FBXO34: variants seen among roughly 807,000 people sequenced by gnomAD.
FBXO34 encodes the protein F-box only protein 34.
FBXO34 carries 12 observed loss-of-function variants against 24.5 expected under a neutral mutation model. That is an observed-to-expected ratio of 0.49 (90% CI 0.31 to 0.79). The LOEUF is 0.79. Among genes scored for constraint, FBXO34 ranks in the 30% least tolerant of loss-of-function variants. The pLI is 0.04. For synonymous variants in FBXO34, 320 were observed against 311.9 expected (o/e 1.03, Z -0.27); for missense variants, 823 against 857.7 (o/e 0.96, Z 0.51).
At chr14:55,336,310 A>G (rs1883773269) in intron 1 of FBXO34, among the ~76,000 whole-genome samples, 1 of 152,150 alleles carries the variant, frequency 6.6e-6, no homozygotes, top group Non-Finnish European at 1.5e-5. Context: ...AGAATAGGGC[A>G]AGAACTTATG....
intron 1 of FBXO34, among the ~76,000 whole-genome samples, chr14:55,312,178 A>G (rs1247604168): frequency 1.3e-5 from 2 of 151,942 alleles, no homozygotes; most frequent in African/African-American, 4.8e-5. Flanking sequence ...CCAGCCTGGG[A>G]GACACAGTGT....
At position 55,351,578 on chromosome 14, in the gene FBXO34, C is replaced by T. The variant is rs762597729; in HGVS notation, c.1188C>T (p.Ala396=). 4.0e-5 allele frequency: 65 copies of T among 1,613,992 alleles called. No homozygotes were observed. In the South Asian group the frequency reaches 4.9e-4, roughly 12 times the overall value. ...SAELEPGSQT[A]VKNSNRYDVE... ...AGTTAGAGCCGGGTTCGCAAACTGC[C>T]GTGAAAAACAGCAACAGATATGATG... Residue 396 remains alanine, a synonymous_variant, in exon 2 of 2, where the codon GCC becomes GCT. Transcript: ENST00000313833.
intron 3 of FBXO34, among the ~76,000 whole-genome samples, chr14:55,359,829 C>A (rs1455967579): frequency 6.6e-6 from 1 of 151,140 alleles, no homozygotes; most frequent in Non-Finnish European, 1.5e-5. Flanking sequence ...CCAGTAATCT[C>A]AGCACTTTGG....
downstream of FBXO34, chr14:55,355,208 T>A (rs1282617896): frequency 6.6e-6 from 1 of 152,350 alleles, no homozygotes; most frequent in Admixed American, 6.5e-5. Flanking sequence ...AATTGAAAGC[T>A]AAGGAGGGGC....
intron 1 of FBXO34, among the ~76,000 whole-genome samples, chr14:55,276,073 G>T (rs1881332900): frequency 6.6e-6 from 1 of 152,144 alleles, no homozygotes; most frequent in Non-Finnish European, 1.5e-5. Context: ...AGTCTATCTA[G>T]GCAATCTAAA....
chr14:55,284,706 C>G (rs374891382), intron 1 of FBXO34, among the ~76,000 whole-genome samples: 1 of 148,448 alleles, frequency 6.7e-6, no homozygotes, highest in Admixed American at 6.8e-5. Context: ...ACCTCAACCA[C>G]CCAGGCTCAA....
At chr14:55,311,532 A>T (rs1043443817) in intron 1 of FBXO34, among the ~76,000 whole-genome samples, 6 of 152,174 alleles carry the variant, frequency 3.9e-5, no homozygotes, top group African/African-American at 1.4e-4. Context: ...GTCATGTGAG[A>T]TGAGGCAAGT....
At chr14:55,382,253 A>G in the FBXO34 span, 1 of 1,465,374 alleles carries the variant, frequency 6.8e-7, no homozygotes, top group Non-Finnish European at 9.5e-7. Flanking sequence ...CATGCAATAT[A>G]ACTGCAAGAC....
At chr14:55,390,868 T>A in the FBXO34 span, 8 of 1,361,356 alleles carry the variant, frequency 5.9e-6, no homozygotes, top group Middle Eastern at 1.8e-4. Context: ...AAATTCCACA[T>A]AGGCACTTTC....
chr14:55,397,931 A>G, the FBXO34 span, among the ~76,000 whole-genome samples: 2 of 148,174 alleles, frequency 1.3e-5, no homozygotes, highest in Admixed American at 1.3e-4. Flanking sequence ...GAGGTATCAC[A>G]TTGCAGTAAT....
chr14:55,391,726 C>T, the FBXO34 span, among the ~76,000 whole-genome samples: 28 of 152,210 alleles, frequency 1.8e-4, no homozygotes, highest in Admixed American at 3.3e-4. Context: ...GACTGGACAG[C>T]GCAGATACAG....
downstream of FBXO34, among the ~76,000 whole-genome samples, chr14:55,363,763 AAAT>A (rs1884624627): frequency 6.6e-6 from 1 of 152,192 alleles, no homozygotes; most frequent in Non-Finnish European, 1.5e-5. Context: ...AATTTTTAAA[AAAT>A]AGCTCAGTAG....
At chr14:55,391,152 A>G in the FBXO34 span, 1 of 550,752 alleles carries the variant, frequency 1.8e-6, no homozygotes. Flanking sequence ...TACGAAAAAG[A>G]GAACGATGTT....
the FBXO34 span, among the ~76,000 whole-genome samples, chr14:55,380,905 G>T: frequency 2.4e-4 from 30 of 126,032 alleles, no homozygotes; most frequent in Non-Finnish European, 4.3e-4. Context: ...TGAGAGCAAT[G>T]TAACAGAGCA....
chr14:55,285,554 T>C (rs1000492522), intron 1 of FBXO34: 1 of 151,368 alleles, frequency 6.6e-6, no homozygotes, highest in African/African-American at 2.4e-5. Context: ...TGAGACTCTG[T>C]CTCTTTAAAA....
chr14:55,314,894 G>A (rs989210569), intron 1 of FBXO34, among the ~76,000 whole-genome samples: 10 of 152,204 alleles, frequency 6.6e-5, no homozygotes, highest in Non-Finnish European at 1.0e-4. Flanking sequence ...TCTCCCTCTT[G>A]GAGGCTTGCT....
chr14:55,298,607 C>T, intron 1 of FBXO34: 4 of 1,113,120 alleles, frequency 3.6e-6, no homozygotes, highest in Non-Finnish European at 5.1e-6. Flanking sequence ...CGCCGGAGCC[C>T]AGCCGGAGCG....
At chr14:55,323,017 C>CAAAAAAAAAAAAAA (rs1444620301) in intron 1 of FBXO34, among the ~76,000 whole-genome samples, 4 of 40,894 alleles carry the variant, frequency 9.8e-5, no homozygotes, top group African/African-American at 2.0e-4. Context: ...ACTAAAAATA[C>CAAAAAAAAAAAAAA]AAAAAAAAAA....
intron 1 of FBXO34, among the ~76,000 whole-genome samples, chr14:55,288,309 T>TA (rs1300404361): frequency 6.6e-6 from 1 of 152,174 alleles, no homozygotes; most frequent in Non-Finnish European, 1.5e-5. Flanking sequence ...TTTGTGCATT[T>TA]AAATTATAAT....
Sources: allele counts gnomAD v4.1 joint callset (sites outside exome capture counted in the v4.1 genomes callset), GRCh38; gene constraint gnomAD v4.1.1; transcripts MANE v1.5; gene names NCBI Gene and HGNC (gene_info 2026-07-23, HGNC 2026-07-21).